SLC8A1: variants seen among roughly 807,000 people sequenced by gnomAD.
SLC8A1 encodes sodium/calcium exchanger 1.
Under a neutral mutation model 68.3 loss-of-function variants are expected in SLC8A1, and 18 were observed. The observed-to-expected ratio is 0.26, with a 90% CI of 0.18 to 0.39. The LOEUF is 0.39. Among genes scored for constraint, SLC8A1 ranks in the 10% least tolerant of loss-of-function variants. SLC8A1 has a pLI of 1.00. For missense variants in SLC8A1, 985 were observed against 1,156.7 expected (o/e 0.85, Z 2.15); for synonymous variants, 475 against 415.5 (o/e 1.14, Z -1.74).
intron 2 of SLC8A1, among the ~76,000 whole-genome samples, chr2:40,406,862 A>G (rs1407307287): frequency 2.0e-5 from 3 of 152,198 alleles, no homozygotes; most frequent in Non-Finnish European, 4.4e-5. Flanking sequence ...CGTATATGAT[A>G]TGCATTCCCC....
intron 1 of SLC8A1, among the ~76,000 whole-genome samples, chr2:40,437,253 C>T (rs1272338139): frequency 6.6e-6 from 1 of 152,066 alleles, no homozygotes; most frequent in Non-Finnish European, 1.5e-5. Context: ...ACAGAGAGCT[C>T]AAGATTTAGG....
chr2:40,317,238 T>C (rs2074584078), intron 2 of SLC8A1, among the ~76,000 whole-genome samples: 1 of 152,082 alleles, frequency 6.6e-6, no homozygotes, highest in South Asian at 2.1e-4. Context: ...TCCTCTCTGT[T>C]ATTTATTACT....
intron 2 of SLC8A1, among the ~76,000 whole-genome samples, chr2:40,253,897 C>T (rs1231082799): frequency 3.0e-5 from 3 of 101,652 alleles, no homozygotes; most frequent in African/African-American, 4.5e-5. Flanking sequence ...AAGAAACAAA[C>T]GTTGGTTTAT....
intron 2 of SLC8A1, chr2:40,251,625 T>G (rs1173130715): frequency 6.6e-6 from 1 of 152,130 alleles, no homozygotes. Flanking sequence ...CTGTGCAAGG[T>G]AGTCTTACAG....
At chr2:40,115,727 A>C (rs2035195326) in intron 7 of SLC8A1, 98 bp from the exon 11 acceptor site, 2 of 1,459,870 alleles carry the variant, frequency 1.4e-6, no homozygotes, top group Non-Finnish European at 1.8e-6. Context: ...CCCAACCCTT[A>C]ATATAAACCC....
chr2:40,165,534 G>T (rs1460260208), intron 4 of SLC8A1, among the ~76,000 whole-genome samples: 1 of 152,158 alleles, frequency 6.6e-6, no homozygotes, highest in East Asian at 1.9e-4. Context: ...AAGTTAAACA[G>T]CAAAACATCC....
At chr2:40,114,016 C>G (rs951465911) in exon 8 of SLC8A1, 2 of 152,734 alleles carry the variant, frequency 1.3e-5, no homozygotes, top group African/African-American at 4.8e-5. Flanking sequence ...TAATCAAACT[C>G]AATAACAGCA....
intron 1 of SLC8A1, among the ~76,000 whole-genome samples, chr2:40,482,137 T>A (rs1262371599): frequency 1.3e-5 from 2 of 152,164 alleles, no homozygotes; most frequent in African/African-American, 4.8e-5. Context: ...CTTTTAAGCG[T>A]GCAATAAGAT....
intron 2 of SLC8A1, among the ~76,000 whole-genome samples, chr2:40,198,432 G>T (rs1459076998): frequency 6.6e-6 from 1 of 151,894 alleles, no homozygotes; most frequent in Non-Finnish European, 1.5e-5. Flanking sequence ...TCTCTGAGAT[G>T]CCCAAAACAC....
At chr2:40,368,590 G>A (rs181166328) in intron 2 of SLC8A1, among the ~76,000 whole-genome samples, 1 of 152,000 alleles carries the variant, frequency 6.6e-6, no homozygotes, top group Non-Finnish European at 1.5e-5. Flanking sequence ...TTCAATTACT[G>A]TGTTTTTTAA....
intron 1 of SLC8A1, among the ~76,000 whole-genome samples, chr2:40,489,808 C>G (rs1431539567): frequency 2.6e-5 from 4 of 151,904 alleles, no homozygotes; most frequent in African/African-American, 7.3e-5. Flanking sequence ...GGGAAAGGAT[C>G]AGAAGGTTTG....
intron 2 of SLC8A1, among the ~76,000 whole-genome samples, chr2:40,184,421 T>A (rs1249657082): frequency 6.6e-6 from 1 of 152,164 alleles, no homozygotes; most frequent in Non-Finnish European, 1.5e-5. Flanking sequence ...GATTATAAAA[T>A]GTACTTAAAG....
exon 8 of SLC8A1, chr2:40,113,236 A>C (rs1045749215): frequency 1.3e-5 from 2 of 152,622 alleles, no homozygotes; most frequent in Non-Finnish European, 2.9e-5. Context: ...AGAAAAAATA[A>C]GTCTCAACAG....
chr2:40,194,758 C>T (rs561564812), intron 2 of SLC8A1, among the ~76,000 whole-genome samples: 1 of 140,178 alleles, frequency 7.1e-6, no homozygotes, highest in Admixed American at 7.3e-5. Context: ...TATGTCATAT[C>T]CTAGGGCCAG....
At chr2:40,425,813 A>T (rs1018195256) in intron 2 of SLC8A1, among the ~76,000 whole-genome samples, 1 of 152,066 alleles carries the variant, frequency 6.6e-6, no homozygotes, top group Middle Eastern at 3.4e-3. Flanking sequence ...ATAAAAAAAT[A>T]ATGTTTTCTA....
chr2:40,375,128 G>A (rs1030343441), intron 2 of SLC8A1, among the ~76,000 whole-genome samples: 1 of 152,074 alleles, frequency 6.6e-6, no homozygotes, highest in African/African-American at 2.4e-5. Context: ...GTTTGCAGCT[G>A]ATGGTGGTCA....
rs199700836 is a variant in SLC8A1, at chr2:40,140,151, G to A, written c.2162-475C>T. Among the ~76,000 whole-genome samples, 3 of 152,250 alleles carry A rather than the reference G, an allele frequency of 2.0e-5. No homozygotes were observed. In the East Asian group the frequency reaches 5.8e-4, roughly 29 times the overall value. ...ACCTACAGGATAATGTTCACACAGG[G>A]CCGTTAATCATGGCTCTGAGCCTTG... On this transcript the variant is annotated intron_variant, in intron 6 of 7. Transcript: ENST00000406785.
intron 2 of SLC8A1, among the ~76,000 whole-genome samples, chr2:40,184,228 G>A (rs1024837535): frequency 3.3e-5 from 5 of 152,110 alleles, no homozygotes; most frequent in African/African-American, 1.2e-4. Context: ...TTTTTTAGGT[G>A]CTTCTAATAT....
At position 40,375,770 on chromosome 2, in the gene SLC8A1, A is replaced by T. The variant is rs1052035898; in HGVS notation, c.1808+52703T>A. 2.6e-5 allele frequency among the ~76,000 whole-genome samples: 4 copies of T among 152,270 alleles called. No individual in the cohort carries two copies. The South Asian group carries it at 8.3e-4, about 32-fold the overall frequency. ...GTAATCCCAGCACTTTGGAAGGTCA[A>T]GGCAGGCAGATTGCTTGAGCTCGAA... On this transcript the variant is annotated intron_variant, in intron 2 of 7. Coordinates refer to ENST00000406785, the Ensembl canonical transcript of SLC8A1.
Sources: gnomAD v4.1 joint callset for allele counts (sites outside exome capture counted in the v4.1 genomes callset) on GRCh38, gnomAD v4.1.1 for gene constraint, MANE v1.5 for transcripts, NCBI Gene and HGNC (gene_info 2026-07-23, HGNC 2026-07-21) for gene names.